ATP6V1C2: variants seen among roughly 807,000 people sequenced by gnomAD.
The protein encoded by ATP6V1C2 is ATPase H+ transporting V1 subunit C2, also known as V-type proton ATPase subunit C 2.
A neutral mutation model predicts 56.8 loss-of-function variants in ATP6V1C2; 45 were observed. The observed-to-expected ratio is 0.79, with a 90% CI of 0.62 to 1.02. The LOEUF is 1.02. ATP6V1C2 is among the 50% of genes least tolerant of loss of function. The pLI is 0.00. For missense variants in ATP6V1C2, 463 were observed against 519.7 expected, an observed-to-expected ratio of 0.89 and a Z score of 1.06; for synonymous variants, 220 against 201.3, an observed-to-expected ratio of 1.09 and a Z score of -0.79.
intron 3 of ATP6V1C2, among the ~76,000 whole-genome samples, chr2:10,733,395 C>T (rs939405128): frequency 6.6e-6 from 1 of 152,198 alleles, no homozygotes; most frequent in Non-Finnish European, 1.5e-5. Context: ...CCTGTCAGCA[C>T]TGCTTCTGCC....
Position 10,756,964 on chromosome 2 carries a change from CAT to C in ATP6V1C2, c.283+2903_283+2904del, listed in dbSNP as rs1420752485. Reference sequence around the variant, plus strand: ...TTTATATCATTTGTTATAAATATAACATATATTTATAGTTTTCCCTCTTGAAA... The same window carrying C: ...TTTATATCATTTGTTATAAATATAACATATTTATAGTTTTCCCTCTTGAAA... On this transcript the variant is annotated intron_variant, in intron 4 of 13. Coordinates refer to ENST00000272238, the MANE Select transcript of ATP6V1C2 (RefSeq NM_001039362.2). 1.7e-4 allele frequency among the ~76,000 whole-genome samples: 24 copies of C among 139,680 alleles called. 2 individuals carry two copies. The highest frequency in any genetic ancestry group is 1.7e-3 in the Admixed American group (23 of 13,824). 91.6% of individuals were successfully genotyped at this position (139,680 alleles called of 152,430 possible).
intron 3 of ATP6V1C2, among the ~76,000 whole-genome samples, chr2:10,741,027 A>G (rs1662523250): frequency 6.6e-6 from 1 of 152,196 alleles, no homozygotes; most frequent in Non-Finnish European, 1.5e-5. Flanking sequence ...TACTGTCTGG[A>G]CCGCATGTGG....
At chr2:10,738,764 G>A (rs551449869) in intron 3 of ATP6V1C2, among the ~76,000 whole-genome samples, 3 of 152,234 alleles carry the variant, frequency 2.0e-5, no homozygotes, top group Admixed American at 2.0e-4. Context: ...TTCTGCCTAG[G>A]GTTCGTTCCC....
rs1165883053 is a variant in ATP6V1C2 at position 10,735,620 on chromosome 2, A to T, written c.197+9051A>T. Among the ~76,000 whole-genome samples the T allele has an allele frequency of 4.9e-5, 7 of 142,462 alleles. No individual in the cohort carries two copies. In the Admixed American group the frequency reaches 5.0e-4, roughly 10 times the overall value. 93.5% of individuals were successfully genotyped at this position (142,462 alleles called of 152,430 possible). ...TTTTTCTCTCTTTTTTTGAGAAAGG[A>T]TCTTGCTCTGTCACCCATGCTAGTG... On this transcript the variant is annotated intron_variant, in intron 3 of 13. Transcript: ENST00000272238.
chr2:10,731,963 A>T (rs1661974029), intron 3 of ATP6V1C2, among the ~76,000 whole-genome samples: 1 of 151,820 alleles, frequency 6.6e-6, no homozygotes, highest in Non-Finnish European at 1.5e-5. Context: ...ACAGAGTGAG[A>T]CCCTGTCTCA....
At position 10,768,792 on chromosome 2, in the gene ATP6V1C2, AC is replaced by A. The variant is rs1664394151; in HGVS notation, c.454del (p.Leu152TrpfsTer14). The A allele has an allele frequency of 1.9e-6, 3 of 1,613,770 alleles. No individual in the cohort carries two copies. The highest frequency in any genetic ancestry group is 2.5e-6 in the Non-Finnish European group (3 of 1,180,008). On this transcript the variant is annotated frameshift_variant, in exon 6 of 14. Coordinates refer to ENST00000272238, the MANE Select transcript of ATP6V1C2 (RefSeq NM_001039362.2). LOFTEE classifies it high-confidence loss of function. Reference sequence around the variant, plus strand: ...AACACTCTGAAGACAAACCTGGAGAACCTGGAAAAGAAATCCATGTGTGTAT... The same window carrying A: ...AACACTCTGAAGACAAACCTGGAGAACTGGAAAAGAAATCCATGTGTGTAT... ...AYNTLKTNLE[N>X]LEKKSMGNLF...
intron 6 of ATP6V1C2, among the ~76,000 whole-genome samples, 173 bp downstream of exon 6, chr2:10,768,983 A>G (rs1205514934): frequency 6.6e-6 from 1 of 152,160 alleles, no homozygotes; most frequent in Middle Eastern, 3.2e-3. Context: ...GGAGAGGAGG[A>G]AAGGGCCAGG....
chr2:10,757,288 C>T (rs1270028267), intron 4 of ATP6V1C2: 2 of 377,624 alleles, frequency 5.3e-6, no homozygotes, highest in Admixed American at 4.6e-5. Flanking sequence ...GCTAGGATTA[C>T]AGGCGTGAGC....
intron 3 of ATP6V1C2, among the ~76,000 whole-genome samples, chr2:10,728,945 T>C (rs1407260042): frequency 7.7e-6 from 1 of 130,148 alleles, no homozygotes; most frequent in Non-Finnish European, 1.6e-5. Flanking sequence ...GAGACCATCC[T>C]GGCCAACATG....
chr2:10,730,687 A>T (rs535036354), intron 3 of ATP6V1C2, among the ~76,000 whole-genome samples: 333 of 119,662 alleles, frequency 2.8e-3, no homozygotes, highest in Non-Finnish European at 4.6e-3. Flanking sequence ...AGTTTCACTC[A>T]TGTTGCCCAG....
At chr2:10,753,413 CT>C (rs1019376455) in intron 3 of ATP6V1C2, among the ~76,000 whole-genome samples, 3 of 152,144 alleles carry the variant, frequency 2.0e-5, no homozygotes, top group Non-Finnish European at 2.9e-5. Flanking sequence ...GTCTCCAGTT[CT>C]TTACTGTCAG....
At chr2:10,782,156 C>T (rs1665402267) in intron 12 of ATP6V1C2, 87 bp from the exon 13 acceptor site, 1 of 1,499,266 alleles carries the variant, frequency 6.7e-7, no homozygotes, top group South Asian at 1.2e-5. Flanking sequence ...GCTTTTCACC[C>T]TCGGAATGTA....
chr2:10,721,648 G>C lies in ATP6V1C2; in HGVS notation c.-110G>C, dbSNP rs1366312952. 4.0e-5 allele frequency: 6 copies of C among 151,402 alleles called. No individual in the cohort carries two copies. Among genetic ancestry groups the C allele is most frequent in the Non-Finnish European group, 7.4e-5 (5 of 67,786 alleles). The allele number at this position is 151,402 out of a possible 1,614,324, so 9.4% of individuals were successfully genotyped here. On this transcript the variant is annotated 5_prime_UTR_variant, in exon 1 of 14. Transcript: ENST00000272238. ...GGGCAGCGAAGCCGCTGCCTCCCGG[G>C]AGCCGGCAGAGCGCTCCGGCCCCGC...
chr2:10,731,427 C>T (rs1661946366), intron 3 of ATP6V1C2, among the ~76,000 whole-genome samples: 1 of 152,238 alleles, frequency 6.6e-6, no homozygotes, highest in Admixed American at 6.5e-5. Context: ...GAAATGTTGA[C>T]TCCCTTCTTA....
intron 3 of ATP6V1C2, among the ~76,000 whole-genome samples, chr2:10,727,242 G>T (rs1306432615): frequency 6.6e-6 from 1 of 151,920 alleles, no homozygotes; most frequent in African/African-American, 2.4e-5. Flanking sequence ...GCTAACTTTT[G>T]TATTTTTAGC....
chr2:10,760,029 T>TC (rs1663810106), intron 4 of ATP6V1C2, among the ~76,000 whole-genome samples: 1 of 95,524 alleles, frequency 1.0e-5, no homozygotes, highest in African/African-American at 4.8e-5. Context: ...TTTTGTTTTT[T>TC]GTTTTTTTTT....
chr2:10,730,607 G>GTTT (rs60355432), intron 3 of ATP6V1C2, among the ~76,000 whole-genome samples: 2 of 118,676 alleles, frequency 1.7e-5, no homozygotes, highest in Non-Finnish European at 1.7e-5. Flanking sequence ...TTCACAGTGG[G>GTTT]TTTTTTTTTT....
chr2:10,749,734 A>G (rs141546283), intron 3 of ATP6V1C2, among the ~76,000 whole-genome samples: 164 of 152,334 alleles, frequency 1.1e-3, no homozygotes, highest in African/African-American at 3.7e-3. Context: ...CTTTTTAAAA[A>G]TGTATTTATT....
intron 3 of ATP6V1C2, among the ~76,000 whole-genome samples, chr2:10,742,034 C>T (rs1452312442): frequency 3.9e-5 from 6 of 151,922 alleles, no homozygotes; most frequent in Admixed American, 3.9e-4. Context: ...CTCAGCCTCC[C>T]GAGTAGCTGG....
Sources: gnomAD v4.1 joint callset for allele counts (sites outside exome capture counted in the v4.1 genomes callset) on GRCh38, gnomAD v4.1.1 for gene constraint, MANE v1.5 for transcripts, NCBI Gene and HGNC (gene_info 2026-07-23, HGNC 2026-07-21) for gene names.